The following PDE4D variants were observed in gnomAD, a reference collection of about 807,000 sequenced individuals.
The protein encoded by PDE4D is phosphodiesterase 4D, also known as 3',5'-cyclic-AMP phosphodiesterase 4D.
In PDE4D, 24 loss-of-function variants were observed where a neutral mutation model predicts 87.4. That is an observed-to-expected ratio of 0.27 (90% CI 0.20 to 0.39). The LOEUF is 0.39. Ranked by LOEUF, PDE4D falls within the 10% of genes least tolerant of loss-of-function variation. PDE4D has a pLI of 1.00. For synonymous variants in PDE4D, 384 were observed against 383.2 expected, an observed-to-expected ratio of 1.00 and a Z score of -0.02; for missense variants, 714 against 1,041.0, an observed-to-expected ratio of 0.69 and a Z score of 4.32.
At chr5:60,064,679 A>G (rs1276378090) in intron 2 of PDE4D, among the ~76,000 whole-genome samples, 1 of 152,152 alleles carries the variant, frequency 6.6e-6, no homozygotes, top group Non-Finnish European at 1.5e-5. Flanking sequence ...CTCCTAAACA[A>G]GTTGCATGTG....
chr5:60,193,256 T>G (rs1007234061), intron 1 of PDE4D, among the ~76,000 whole-genome samples: 1 of 152,044 alleles, frequency 6.6e-6, no homozygotes, highest in Admixed American at 6.5e-5. Flanking sequence ...ATGAGACAAA[T>G]GCAAATAAAC....
chr5:59,286,824 T>C (rs748422346), intron 1 of PDE4D, among the ~76,000 whole-genome samples: 30 of 152,188 alleles, frequency 2.0e-4, no homozygotes, highest in Non-Finnish European at 3.7e-4. Flanking sequence ...ACAAGTAACT[T>C]TTGGAAAAAA....
intron 1 of PDE4D, among the ~76,000 whole-genome samples, chr5:59,380,991 T>C (rs1427699572): frequency 3.3e-5 from 5 of 152,194 alleles, no homozygotes; most frequent in Non-Finnish European, 5.9e-5. Context: ...TACAGAGTTC[T>C]TGTGGCCCCA....
chr5:59,196,995 T>C (rs2153489092), intron 2 of PDE4D, among the ~76,000 whole-genome samples: 1 of 152,276 alleles, frequency 6.6e-6, no homozygotes, highest in Admixed American at 6.5e-5. Flanking sequence ...TAAAATAATA[T>C]GACATCTTCT....
chr5:60,520,212 C>T (rs1750974738), intron 1 of PDE4D, among the ~76,000 whole-genome samples: 4 of 152,152 alleles, frequency 2.6e-5, no homozygotes, highest in Admixed American at 2.0e-4. Flanking sequence ...TGGTCAACTG[C>T]CAGACTATGT....
chr5:58,990,991 C>T (rs972060252), intron 8 of PDE4D, 89 bp from the exon 9 acceptor site: 8 of 773,462 alleles, frequency 1.0e-5, no homozygotes, highest in Non-Finnish European at 1.7e-5. Context: ...AAATTACAGA[C>T]CTTAGGTGGC....
chr5:60,013,745 C>A (rs563354632), intron 2 of PDE4D, among the ~76,000 whole-genome samples: 1 of 152,092 alleles, frequency 6.6e-6, no homozygotes, highest in Non-Finnish European at 1.5e-5. Context: ...CCTGGCCTTG[C>A]CATATGACTT....
In PDE4D at chr5:58,969,873, T is replaced by C. The variant is rs1253179035; in HGVS notation, c.*4791A>G. ...TTAGAAAACACCATGCTTAATCTTA[T>C]AGGCCATCTAAGTAATTTTGGTAAT... On this transcript the variant is annotated 3_prime_UTR_variant, in exon 15 of 15. Transcript: ENST00000340635. The C allele has an allele frequency of 2.0e-5, 3 of 152,196 alleles. No individual in the cohort carries two copies. The highest frequency in any genetic ancestry group is 6.5e-5 in the Admixed American group (1 of 15,276). The allele number at this position is 152,196 out of a possible 1,614,324, so 9.4% of individuals were successfully genotyped here. A position where few individuals can be genotyped will look rare whatever the true frequency, so the allele number is the denominator to read the frequency against.
chr5:59,792,445 G>C (rs934226965), intron 1 of PDE4D, among the ~76,000 whole-genome samples: 5 of 69,090 alleles, frequency 7.2e-5, no homozygotes, highest in African/African-American at 4.1e-4. Context: ...TGTGTTTTGA[G>C]GAAGTGGGCA....
chr5:59,711,390 T>TA (rs991426213), intron 1 of PDE4D, among the ~76,000 whole-genome samples: 4 of 151,886 alleles, frequency 2.6e-5, no homozygotes, highest in Non-Finnish European at 5.9e-5. Flanking sequence ...GTAAATTAGC[T>TA]AAAAAAATTA....
At chr5:59,891,553 T>A (rs548560407) in intron 1 of PDE4D, among the ~76,000 whole-genome samples, 12 of 152,128 alleles carry the variant, frequency 7.9e-5, no homozygotes, top group Non-Finnish European at 1.6e-4. Flanking sequence ...AAAATGAAAC[T>A]TTTATATTAA....
chr5:60,191,999 C>G (rs766307870), intron 1 of PDE4D, among the ~76,000 whole-genome samples: 16 of 151,948 alleles, frequency 1.1e-4, no homozygotes, highest in Non-Finnish European at 1.9e-4. Context: ...GACTCCATCT[C>G]AAAAAATATA....
chr5:59,040,806 G>A (rs1759555224), intron 5 of PDE4D, among the ~76,000 whole-genome samples: 1 of 152,236 alleles, frequency 6.6e-6, no homozygotes. Context: ...AGGTATTGGA[G>A]AAGAAATTCT....
At chr5:59,482,798 T>C (rs932956540) in intron 1 of PDE4D, among the ~76,000 whole-genome samples, 2 of 152,192 alleles carry the variant, frequency 1.3e-5, no homozygotes, top group Non-Finnish European at 2.9e-5. Flanking sequence ...CATTTTTCTA[T>C]TTCCTACATA....
intron 1 of PDE4D, among the ~76,000 whole-genome samples, chr5:59,831,323 T>C: frequency 1.8e-5 from 1 of 56,742 alleles, no homozygotes; most frequent in Non-Finnish European, 3.1e-5. Flanking sequence ...CATAAATTAT[T>C]CTCAAAAAAA....
chr5:60,132,922 G>C (rs1779711774), intron 2 of PDE4D, among the ~76,000 whole-genome samples: 1 of 152,146 alleles, frequency 6.6e-6, no homozygotes, highest in Non-Finnish European at 1.5e-5. Context: ...CATGGGTAAA[G>C]GCACTTTCAG....
intron 2 of PDE4D, among the ~76,000 whole-genome samples, chr5:59,994,862 T>C (rs1763374191): frequency 1.3e-5 from 2 of 152,214 alleles, no homozygotes; most frequent in African/African-American, 2.4e-5. Flanking sequence ...TGTGTTTCCA[T>C]TCCTATTAAT....
intron 1 of PDE4D, among the ~76,000 whole-genome samples, chr5:59,512,795 T>C (rs924718653): frequency 1.3e-5 from 2 of 152,110 alleles, no homozygotes; most frequent in Non-Finnish European, 2.9e-5. Flanking sequence ...TTTTCTGTAA[T>C]AAAATCTTAT....
At chr5:59,302,018 C>T (rs1770357956) in intron 1 of PDE4D, among the ~76,000 whole-genome samples, 1 of 152,040 alleles carries the variant, frequency 6.6e-6, no homozygotes, top group Non-Finnish European at 1.5e-5. Flanking sequence ...GGGATATGTC[C>T]AGGCATGCTC....
Sources: allele counts gnomAD v4.1 joint callset (sites outside exome capture counted in the v4.1 genomes callset), GRCh38; gene constraint gnomAD v4.1.1; transcripts MANE v1.5; gene names NCBI Gene and HGNC (gene_info 2026-07-23, HGNC 2026-07-21).